PARP4: variants seen among roughly 807,000 people sequenced by gnomAD.
PARP4 encodes protein mono-ADP-ribosyltransferase PARP4.
PARP4 carries 120 observed loss-of-function variants against 187.7 expected under a neutral mutation model. The observed-to-expected ratio is 0.64, with a 90% CI of 0.55 to 0.74. The LOEUF (loss-of-function observed/expected upper bound fraction) is 0.74. Among genes scored for constraint, PARP4 ranks in the 30% least tolerant of loss-of-function variants. The pLI is 0.00. For missense variants in PARP4, 1,836 were observed against 2,070.5 expected (o/e 0.89, Z 2.20); for synonymous variants, 654 against 740.9 (o/e 0.88, Z 1.90).
intron 17 of PARP4, among the ~76,000 whole-genome samples, chr13:24,468,348 G>A (rs1172309493): frequency 6.6e-6 from 1 of 151,582 alleles, no homozygotes; most frequent in Non-Finnish European, 1.5e-5. Context: ...TTTATGATTG[G>A]ACCATCTGCT....
chr13:24,479,038 C>T (rs949624508), intron 12 of PARP4, among the ~76,000 whole-genome samples: 1 of 152,122 alleles, frequency 6.6e-6, no homozygotes, highest in African/African-American at 2.4e-5. Context: ...CACAAAGCCT[C>T]CTGAAAGGAA....
At chr13:24,453,551 A>G (rs972229756) in intron 23 of PARP4, 36 bp downstream of exon 23, 7 of 1,319,672 alleles carry the variant, frequency 5.3e-6, no homozygotes, top group Non-Finnish European at 7.7e-6. Flanking sequence ...ATGGTAGGAA[A>G]AGACCCAGGA....
chr13:24,438,714 C>A (rs7985394), intron 30 of PARP4, among the ~76,000 whole-genome samples: 1 of 151,488 alleles, frequency 6.6e-6, no homozygotes, highest in African/African-American at 2.4e-5. Context: ...CCTTCCTGAG[C>A]ACGTCCCAGC....
In PARP4 at chr13:24,469,123, A is replaced by G. The variant is rs1288715561; in HGVS notation, c.2047-13T>C. 1 of 1,559,762 alleles carries G rather than the reference A, an allele frequency of 6.4e-7. No homozygotes were observed. The highest frequency in any genetic ancestry group is 8.8e-7 in the Non-Finnish European group (1 of 1,130,726). On this transcript the variant is annotated splice_polypyrimidine_tract_variant and intron_variant, in intron 16 of 33. Coordinates refer to ENST00000381989, the MANE Select transcript of PARP4 (RefSeq NM_006437.4). ...CCTTCTCTTTAATCTGGAAAAGATG[A>G]GTTTTAAATCATTCCTTACATGAAG...
intron 17 of PARP4, among the ~76,000 whole-genome samples, chr13:24,464,545 G>T (rs879083419): frequency 6.6e-6 from 1 of 152,084 alleles, no homozygotes. Flanking sequence ...CAAGCAATGG[G>T]GAAAAGATTC....
chr13:24,440,931 G>A (rs1870895053), intron 30 of PARP4, among the ~76,000 whole-genome samples: 1 of 152,076 alleles, frequency 6.6e-6, no homozygotes, highest in Admixed American at 6.6e-5. Context: ...GGAGTGTAGG[G>A]GTGCCATTTT....
Position 24,470,756 on chromosome 13 carries a change from A to AC in PARP4, c.1915-732_1915-731insG, listed in dbSNP as rs542931019. 2.8e-3 allele frequency among the ~76,000 whole-genome samples: 433 copies of AC among 152,316 alleles called. 3 individuals are homozygous for AC. Among genetic ancestry groups the AC allele is most frequent in the African/African-American group, 9.9e-3 (412 of 41,566 alleles). ...GAAGACACCAAAATGAAAAATTAAA[A>AC]AAAAAAATCTAACTTATTTGAAAAC... On this transcript the variant is annotated intron_variant, in intron 15 of 33. Transcript: ENST00000381989.
rs551694088 is a variant in PARP4, at chr13:24,435,257, G to A, written c.3884C>T (p.Pro1295Leu). The part of the protein sequence containing the change: ...LDLSWTESCK[P>L]TATEPLFKKV... ...CTTAAATAGTGGTTCAGTTGCTGTT[G>A]GTTTACATGACTCTGTCCAACTTAA... Residue 1295 changes from proline (P) to leucine (L), a missense_variant, in exon 31 of 34, where the codon CCA becomes CTA. Coordinates refer to ENST00000381989, the MANE Select transcript of PARP4 (RefSeq NM_006437.4). 3.3e-5 allele frequency: 54 copies of A among 1,613,772 alleles called. 1 individual carries two copies. The South Asian group carries it at 5.7e-4, about 17-fold the overall frequency.
In PARP4 at chr13:24,475,047, C is replaced by T. The variant is rs181219964; in HGVS notation, c.1914+425G>A. On this transcript the variant is annotated intron_variant, in intron 15 of 33. Coordinates refer to ENST00000381989, the MANE Select transcript of PARP4 (RefSeq NM_006437.4). ...CCCCTGACGTCCACACAGTTTAGCC[C>T]CCACTTCCTTCAGGTCTGTATGCAG... 5.7e-3 allele frequency among the ~76,000 whole-genome samples: 864 copies of T among 152,300 alleles called. 2 individuals carry two copies. Among genetic ancestry groups the T allele is most frequent in the Non-Finnish European group, 7.7e-3 (522 of 68,010 alleles).
At chr13:24,501,198 C>G (rs1258648189) in intron 3 of PARP4, among the ~76,000 whole-genome samples, 2 of 152,188 alleles carry the variant, frequency 1.3e-5, no homozygotes, top group African/African-American at 2.4e-5. Context: ...AGGCTTTCTT[C>G]TTGGCCAGTT....
At chr13:24,461,242 C>T (rs550692023) in intron 17 of PARP4, among the ~76,000 whole-genome samples, 1 of 152,252 alleles carries the variant, frequency 6.6e-6, no homozygotes, top group African/African-American at 2.4e-5. Context: ...CATCCATTTA[C>T]AGGATGGAAA....
chr13:24,456,438 C>G lies in PARP4; in HGVS notation c.2465G>C (p.Ser822Thr). The G allele has an allele frequency of 1.2e-6, 2 of 1,609,464 alleles. No homozygotes were observed. Among genetic ancestry groups the G allele is most frequent in the Non-Finnish European group, 1.7e-6 (2 of 1,176,444 alleles). Residue 822 changes from serine (S) to threonine (T), a missense_variant, in exon 21 of 34, where the codon AGC (serine) becomes ACC (threonine). By Grantham distance (58) the Ser-to-Thr change is moderately conservative. Transcript: ENST00000381989. The part of the protein sequence containing the change: ...CKAVISTMEG[S>T]SLDSSGFSLH... Reference sequence around the variant, plus strand: ...AGAAAATCCACTGCTGTCTAAGGAGCTGCCTTCCATGGTGCTAATGACAGC... The same window carrying G: ...AGAAAATCCACTGCTGTCTAAGGAGGTGCCTTCCATGGTGCTAATGACAGC...
intron 30 of PARP4, 65 bp from the exon 31 acceptor site, chr13:24,435,539 A>T: frequency 6.7e-7 from 1 of 1,485,046 alleles, no homozygotes; most frequent in Non-Finnish European, 8.9e-7. Flanking sequence ...AATCAAGCAA[A>T]CATTCTTCCT....
chr13:24,432,769 C>T (rs1409037244), intron 31 of PARP4, among the ~76,000 whole-genome samples: 4 of 151,734 alleles, frequency 2.6e-5, no homozygotes, highest in Admixed American at 2.6e-4. Flanking sequence ...AAACTACCTT[C>T]CCTGCATCCC....
chr13:24,505,021 TGA>T (rs1869539918), intron 1 of PARP4, among the ~76,000 whole-genome samples: 4 of 140,724 alleles, frequency 2.8e-5, no homozygotes, highest in African/African-American at 1.0e-4. Context: ...TTTTTTTTTT[TGA>T]GTCAGGGTCT....
At chr13:24,510,732 TAA>T (rs977630676) in intron 1 of PARP4, among the ~76,000 whole-genome samples, 49 of 143,442 alleles carry the variant, frequency 3.4e-4, no homozygotes, top group Admixed American at 6.7e-5. Flanking sequence ...GTACAGTTTT[TAA>T]AACTGTGTGT....
At chr13:24,438,831 A>C (rs1870772762) in intron 30 of PARP4, among the ~76,000 whole-genome samples, 1 of 152,194 alleles carries the variant, frequency 6.6e-6, no homozygotes, top group African/African-American at 2.4e-5. Context: ...ACAGACCTGG[A>C]TGTCCGGGCT....
intron 16 of PARP4, 69 bp downstream of exon 16, chr13:24,469,825 C>G: frequency 6.5e-7 from 1 of 1,550,304 alleles, no homozygotes. Flanking sequence ...ACTCCAAAAA[C>G]AAAGGTTCTG....
rs199585627 is a variant in PARP4, at chr13:24,500,358, G to A, written c.359C>T (p.Pro120Leu). The change falls in exon 4 of 34, where the codon CCG becomes CTG. Residue 120 changes from proline to leucine, a missense_variant. Around this residue, in one of 8 missense-constraint regions of PARP4, gnomAD observed 1,147 missense variants for 1,214.2 expected, o/e 0.94. Coordinates refer to ENST00000381989, the MANE Select transcript of PARP4 (RefSeq NM_006437.4). ...GTCTTCCTCCTCTGTGGCACTGTCC[G>A]GGCATAGACCTTCTGTTTTCACTTC... ...SSEVKTEGLC[P>L]DSATEEEDTV... 3.1e-5 allele frequency: 50 copies of A among 1,602,734 alleles called. No individual in the cohort carries two copies. The East Asian group carries it at 9.0e-4, about 29-fold the overall frequency.
Sources: allele counts gnomAD v4.1 joint callset (sites outside exome capture counted in the v4.1 genomes callset), GRCh38; gene constraint gnomAD v4.1.1; regional missense constraint gnomAD v4.1.1; transcripts MANE v1.5; gene names NCBI Gene and HGNC (gene_info 2026-07-23, HGNC 2026-07-21).